PHACTR2: variants seen among roughly 807,000 people sequenced by gnomAD.
PHACTR2 encodes phosphatase and actin regulator 2.
A neutral mutation model predicts 76.0 loss-of-function variants in PHACTR2; 30 were observed. The ratio of observed to expected loss-of-function variants is 0.39; its 90% CI spans 0.30 to 0.54. PHACTR2 has a LOEUF of 0.54. Ranked by LOEUF, PHACTR2 falls within the 20% of genes least tolerant of loss-of-function variation. The pLI, the probability that PHACTR2 is intolerant of heterozygous loss-of-function variation, is 0.61. For missense variants in PHACTR2, 696 were observed against 781.1 expected, an observed-to-expected ratio of 0.89 and a Z score of 1.30; for synonymous variants, 292 against 292.5, an observed-to-expected ratio of 1.00 and a Z score of 0.02.
chr6:143,599,754 C>A lies in PHACTR2; in HGVS notation c.217+62547C>A, dbSNP rs930156469. 6.6e-6 allele frequency among the ~76,000 whole-genome samples: 1 copy of A among 152,164 alleles called. No homozygotes were observed. ...TCCCCCTTTCTATGCTGTATTAAGACATACCACCCTTTCTTTATAGAGTCA... is the reference window on the plus strand; with the variant it reads ...TCCCCCTTTCTATGCTGTATTAAGAAATACCACCCTTTCTTTATAGAGTCA... On this transcript the variant is annotated intron_variant, in intron 1 of 11. Transcript: ENST00000367584. The surrounding 1 kb of genome is among the most constrained non-coding windows in gnomAD (Gnocchi z 4.6).
chr6:143,701,482 C>A (rs1447946202), intron 1 of PHACTR2, among the ~76,000 whole-genome samples: 2 of 152,180 alleles, frequency 1.3e-5, no homozygotes, highest in Non-Finnish European at 2.9e-5. Flanking sequence ...AAAACAGTAC[C>A]TACCCTAACT....
rs769253782 is a variant in PHACTR2, at chr6:143,697,692, C to A, written c.47-14324C>A. Among the ~76,000 whole-genome samples the A allele has an allele frequency of 6.6e-6, 1 of 152,186 alleles. No homozygotes were observed. The highest frequency in any genetic ancestry group is 1.5e-5 in the Non-Finnish European group (1 of 68,030). On this transcript the variant is annotated intron_variant, in intron 1 of 12. Transcript: ENST00000440869. The surrounding 1 kb of genome is among the most constrained non-coding windows in gnomAD (Gnocchi z 4.4). Reference sequence around the variant, plus strand: ...AAATATTTGGAATTCTACAGGAAGGCACTGTTGGAAACAATTTCCTCTGTG... The same window carrying A: ...AAATATTTGGAATTCTACAGGAAGGAACTGTTGGAAACAATTTCCTCTGTG...
chr6:143,610,435 C>A lies in PHACTR2; in HGVS notation c.13+2113C>A, dbSNP rs776687495. On this transcript the variant is annotated intron_variant, in intron 1 of 11. Coordinates refer to the PHACTR2 transcript ENST00000305766. The surrounding 1 kb of genome is among the most constrained non-coding windows in gnomAD (Gnocchi z 4.9). ...GGATTTCAGAGCTAGTAGTTTAGAGCGGGGCACTCGTACTGACAACTGGAT... is the reference window on the plus strand; with the variant it reads ...GGATTTCAGAGCTAGTAGTTTAGAGAGGGGCACTCGTACTGACAACTGGAT... 2.0e-5 allele frequency among the ~76,000 whole-genome samples: 3 copies of A among 152,122 alleles called. No homozygotes were observed. The highest frequency in any genetic ancestry group is 2.0e-4 in the Admixed American group (3 of 15,272).
chr6:143,608,354 T>C lies in PHACTR2; in HGVS notation c.13+32T>C, dbSNP rs890905268. The C allele has an allele frequency of 6.2e-7, 1 of 1,612,564 alleles. No individual in the cohort carries two copies. Among genetic ancestry groups the C allele is most frequent in the African/African-American group, 1.3e-5 (1 of 74,926 alleles). On this transcript the variant is annotated intron_variant, in intron 1 of 11. Coordinates refer to the PHACTR2 transcript ENST00000305766. The surrounding 1 kb of genome is among the most constrained non-coding windows in gnomAD (Gnocchi z 4.6). ...AAATCAAGCATGAATTCTTCATAGCTGCTGGCTTCCTTTGCAGCCCGCATC... is the reference window on the plus strand; with the variant it reads ...AAATCAAGCATGAATTCTTCATAGCCGCTGGCTTCCTTTGCAGCCCGCATC...
rs1039254012 is a variant in PHACTR2, at chr6:143,742,395, A to T, written c.215-6590A>T. ...CTCTTGCGGAGGCAAGGTGGCCACT[A>T]GCCACTCTTGCTCATATTTGTCTGG... On this transcript the variant is annotated intron_variant, in intron 2 of 12. Transcript: ENST00000440869. This position sits in a 1 kb window ranked among gnomAD's most constrained non-coding sequence, Gnocchi z 4.5. Among the ~76,000 whole-genome samples the T allele has an allele frequency of 6.6e-6, 1 of 152,224 alleles. No individual in the cohort carries two copies. The highest frequency in any genetic ancestry group is 1.5e-5 in the Non-Finnish European group (1 of 68,040).
At chr6:143,560,885 GT>G (rs1775260530) in intron 1 of PHACTR2, among the ~76,000 whole-genome samples, 21 of 31,598 alleles carry the variant, frequency 6.6e-4, no homozygotes, top group South Asian at 1.7e-3. Flanking sequence ...GCAGAGGGGT[GT>G]GTGTGTGTGT....
At chr6:143,691,954 CTGTT>C (rs1165455998) in intron 1 of PHACTR2, among the ~76,000 whole-genome samples, 2 of 152,324 alleles carry the variant, frequency 1.3e-5, no homozygotes, top group Middle Eastern at 3.4e-3. Flanking sequence ...ATTTTCGCCT[CTGTT>C]TGTACTTCAG....
At chr6:143,560,240 A>C (rs764233912) in intron 1 of PHACTR2, among the ~76,000 whole-genome samples, 1 of 152,238 alleles carries the variant, frequency 6.6e-6, no homozygotes, top group Non-Finnish European at 1.5e-5. Context: ...TACTCACAGA[A>C]AGGATTTTGA....
chr6:143,613,553 T>C (rs774871811), intron 1 of PHACTR2, among the ~76,000 whole-genome samples: 14 of 152,234 alleles, frequency 9.2e-5, no homozygotes, highest in Non-Finnish European at 1.8e-4. Context: ...GTCTTTGTTT[T>C]TGAAATGAAG....
chr6:143,629,792 C>T (rs976373912), intron 1 of PHACTR2, among the ~76,000 whole-genome samples: 1 of 152,102 alleles, frequency 6.6e-6, no homozygotes, highest in African/African-American at 2.4e-5. Context: ...AATGTCAAGC[C>T]CTGAGATAAT....
Position 143,821,493 on chromosome 6 carries a change from G to A in PHACTR2, c.1923-2181G>A, listed in dbSNP as rs2328520. Among the ~76,000 whole-genome samples, 12,161 of 152,258 alleles carry A rather than the reference G, an allele frequency of 0.08. 633 individuals are homozygous for A. Among genetic ancestry groups the A allele is most frequent in the Admixed American group, 0.17 (2,573 of 15,292 alleles). ...TGAGTATGTAAAAATGGATAAGAAA[G>A]TTTCCTTCCTCAGCTTCTCATGATC... On this transcript the variant is annotated intron_variant, in intron 12 of 12. Transcript: ENST00000440869. The surrounding 1 kb of genome is among the most constrained non-coding windows in gnomAD (Gnocchi z 5.2).
rs1385788926 is a variant in PHACTR2, at chr6:143,830,586, C to T, written c.*6897C>T. ...ATCTACAAGTATACACACATATGTA[C>T]TTGTATTCCACTATTGTAACCTGAA... is the stretch of plus-strand genomic sequence containing the variant. On this transcript the variant is annotated 3_prime_UTR_variant, in exon 13 of 13. Coordinates refer to ENST00000440869, the MANE Select transcript of PHACTR2 (RefSeq NM_001100164.2). The T allele has an allele frequency of 3.9e-5, 6 of 152,150 alleles. No individual in the cohort carries two copies. The highest frequency in any genetic ancestry group is 7.4e-5 in the Non-Finnish European group (5 of 68,018). The allele number at this position is 152,150 out of a possible 1,614,324, so 9.4% of individuals were successfully genotyped here. A position where few individuals can be genotyped will look rare whatever the true frequency, so the allele number is the denominator to read the frequency against.
rs941596820 is a variant in PHACTR2 at position 143,689,147 on chromosome 6, T to C, written c.46+10938T>C. 6.6e-6 allele frequency among the ~76,000 whole-genome samples: 1 copy of C among 152,220 alleles called. No homozygotes were observed. The highest frequency in any genetic ancestry group is 2.4e-5 in the African/African-American group (1 of 41,450). On this transcript the variant is annotated intron_variant, in intron 1 of 12. Coordinates refer to ENST00000440869, the MANE Select transcript of PHACTR2 (RefSeq NM_001100164.2). The surrounding 1 kb of genome is among the most constrained non-coding windows in gnomAD (Gnocchi z 4.4). Reference sequence around the variant, plus strand: ...CTGACTCCTTGTTTCGGCTGGATCCTTGTGCTTCATAGAGACCTTCCCTGC... The same window carrying C: ...CTGACTCCTTGTTTCGGCTGGATCCCTGTGCTTCATAGAGACCTTCCCTGC...
At position 143,783,067 on chromosome 6, in the gene PHACTR2, T is replaced by C; in HGVS notation, c.1646-152T>C. 2.0e-6 allele frequency: 1 copy of C among 504,818 alleles called. No homozygotes were observed. The highest frequency in any genetic ancestry group is 3.8e-6 in the Non-Finnish European group (1 of 265,754). The allele number at this position is 504,818 out of a possible 1,614,324, so 31.3% of individuals were successfully genotyped here. ...TGTGTGTGTGTAAGATGATCAACCT[T>C]CCTACAAAATATTTTGACAACTTTT... On this transcript the variant is annotated intron_variant, in intron 9 of 12. Transcript: ENST00000440869. This position sits in a 1 kb window ranked among gnomAD's most constrained non-coding sequence, Gnocchi z 5.2.
chr6:143,576,135 C>T (rs927621906), intron 1 of PHACTR2, among the ~76,000 whole-genome samples: 1 of 152,204 alleles, frequency 6.6e-6, no homozygotes, highest in Non-Finnish European at 1.5e-5. Context: ...GGAGCATCTG[C>T]AAGCTTGGTG....
At chr6:143,645,041 T>C (rs1776635032) in intron 1 of PHACTR2, among the ~76,000 whole-genome samples, 1 of 151,470 alleles carries the variant, frequency 6.6e-6, no homozygotes, top group Admixed American at 6.6e-5. Flanking sequence ...CTTCATAAGT[T>C]AGTTCCCACT....
intron 5 of PHACTR2, among the ~76,000 whole-genome samples, chr6:143,763,441 A>C (rs140452045): frequency 6.6e-6 from 1 of 152,350 alleles, no homozygotes; most frequent in African/African-American, 2.4e-5. Context: ...TTAGCTAAGA[A>C]AATAATTGAA....
At position 143,672,662 on chromosome 6, in the gene PHACTR2, C is replaced by G. The variant is rs1003163160; in HGVS notation, c.14-39354C>G. ...GCTAAAGTTCAGAGCCTTCTCTGTA[C>G]TAACCTACTGGGCATCCCTAGCACT... On this transcript the variant is annotated intron_variant, in intron 1 of 11. Transcript: ENST00000305766. This position sits in a 1 kb window ranked among gnomAD's most constrained non-coding sequence, Gnocchi z 5.8. Among the ~76,000 whole-genome samples, 5 of 152,162 alleles carry G rather than the reference C, an allele frequency of 3.3e-5. No individual in the cohort carries two copies. Among genetic ancestry groups the G allele is most frequent in the African/African-American group, 1.2e-4 (5 of 41,428 alleles).
Position 143,597,122 on chromosome 6 carries a change from C to T in PHACTR2, c.217+59915C>T, listed in dbSNP as rs972185946. On this transcript the variant is annotated intron_variant, in intron 1 of 11. Transcript: ENST00000367584. The surrounding 1 kb of genome is among the most constrained non-coding windows in gnomAD (Gnocchi z 5.7). ...ATGTATTTTCCCCTCTGTGTTCTCA[C>T]GCTCCACACTGTGGAAGAACACATT... Among the ~76,000 whole-genome samples the T allele has an allele frequency of 2.0e-5, 3 of 152,170 alleles. No individual in the cohort carries two copies. The highest frequency in any genetic ancestry group is 2.9e-5 in the Non-Finnish European group (2 of 68,032).
Sources: gnomAD v4.1 joint callset for allele counts (sites outside exome capture counted in the v4.1 genomes callset) on GRCh38, gnomAD v4.1.1 for gene constraint, Gnocchi (gnomAD v3.1) non-coding constraint, MANE v1.5 for transcripts, NCBI Gene and HGNC (gene_info 2026-07-23, HGNC 2026-07-21) for gene names.